GLRA2: variants seen among roughly 807,000 people sequenced by gnomAD.
GLRA2 encodes glycine receptor alpha 2, also known as glycine receptor subunit alpha-2.
In GLRA2, 11 loss-of-function variants were observed where a neutral mutation model predicts 31.6. That is an observed-to-expected ratio of 0.35 (90% CI 0.22 to 0.58). GLRA2 has a LOEUF of 0.58. Among genes scored for constraint, GLRA2 ranks in the 20% least tolerant of loss-of-function variants. GLRA2 has a pLI of 0.84. For synonymous variants in GLRA2, 132 were observed against 134.0 expected, an observed-to-expected ratio of 0.99 and a Z score of 0.10; for missense variants, 212 against 351.8, an observed-to-expected ratio of 0.60 and a Z score of 3.18.
the GLRA2 span, among the ~76,000 whole-genome samples, chrX:14,475,808 A>G: frequency 8.9e-6 from 1 of 111,987 alleles, no homozygotes; most frequent in South Asian, 3.7e-4. Context: ...AATGCTGATA[A>G]GTGGTTCAGG....
intron 8 of GLRA2, among the ~76,000 whole-genome samples, chrX:14,721,642 G>C (rs1461636638): frequency 2.7e-5 from 3 of 111,299 alleles, no homozygotes; most frequent in Non-Finnish European, 5.6e-5. Context: ...ACAAAGAATC[G>C]TACAGTCCCA....
chrX:14,602,812 C>T (rs957659295), intron 4 of GLRA2, among the ~76,000 whole-genome samples: 1 of 111,970 alleles, frequency 8.9e-6, no homozygotes, highest in Non-Finnish European at 1.9e-5. Context: ...ACCACAGTTT[C>T]GTTATCCACT....
chrX:14,718,783 A>G (rs2091825326), intron 8 of GLRA2, among the ~76,000 whole-genome samples: 2 of 110,931 alleles, frequency 1.8e-5, no homozygotes, highest in Admixed American at 9.6e-5. Context: ...GTGTCCCAAG[A>G]CTCCAGGCCC....
At position 14,555,608 on chromosome X, in the gene GLRA2, A is replaced by G. The variant is rs944332939; in HGVS notation, c.203-18725A>G. ...AGTGTTTCTCATTGGTGATTGTCATATTTTTGTCATAATTTTCTCATTCTG... is the reference window on the plus strand; with the variant it reads ...AGTGTTTCTCATTGGTGATTGTCATGTTTTTGTCATAATTTTCTCATTCTG... On this transcript the variant is annotated intron_variant, in intron 2 of 8. Coordinates refer to ENST00000218075, the MANE Select transcript of GLRA2 (RefSeq NM_002063.4). 3.6e-5 allele frequency among the ~76,000 whole-genome samples: 4 copies of G among 112,046 alleles called. No homozygotes were observed. The South Asian group carries it at 1.5e-3, about 42-fold the overall frequency.
At chrX:14,515,409 T>C in the GLRA2 span, among the ~76,000 whole-genome samples, 1 of 112,142 alleles carries the variant, frequency 8.9e-6, no homozygotes, top group Non-Finnish European at 1.9e-5. Flanking sequence ...TGATCCCAGT[T>C]TTTTTAAATC....
chrX:14,611,840 GT>G (rs1329007788), intron 7 of GLRA2, among the ~76,000 whole-genome samples: 2 of 111,892 alleles, frequency 1.8e-5, no homozygotes, highest in African/African-American at 6.5e-5. Flanking sequence ...GTTCTCCCAT[GT>G]GAGGCCATGT....
intron 7 of GLRA2, among the ~76,000 whole-genome samples, chrX:14,635,317 T>A (rs2090699326): frequency 8.9e-6 from 1 of 112,157 alleles, no homozygotes; most frequent in Non-Finnish European, 1.9e-5. Flanking sequence ...TAAATAAATC[T>A]TTTGAATTGC....
intron 2 of GLRA2, among the ~76,000 whole-genome samples, chrX:14,549,529 G>A (rs2089527239): frequency 9.0e-6 from 1 of 111,664 alleles, no homozygotes; most frequent in Non-Finnish European, 1.9e-5. Flanking sequence ...GGCTTAGGGA[G>A]TGGCAATGGG....
At chrX:14,689,140 T>C (rs1456505379) in intron 7 of GLRA2, among the ~76,000 whole-genome samples, 1 of 111,802 alleles carries the variant, frequency 8.9e-6, no homozygotes, top group Non-Finnish European at 1.9e-5. Context: ...CTCCAGAATC[T>C]CTGCTTTTAT....
chrX:14,637,700 C>G (rs1378059417), intron 7 of GLRA2, among the ~76,000 whole-genome samples: 1 of 111,496 alleles, frequency 9.0e-6, no homozygotes, highest in Non-Finnish European at 1.9e-5. Flanking sequence ...TTCCCCAAGC[C>G]CCACTGGGAG....
chrX:14,679,319 G>C (rs1428286367), intron 7 of GLRA2, among the ~76,000 whole-genome samples: 1 of 110,551 alleles, frequency 9.0e-6, no homozygotes, highest in African/African-American at 3.3e-5. Flanking sequence ...AACCTATATA[G>C]AGGTGAAAGT....
At chrX:14,583,651 A>G (rs977720303) in intron 4 of GLRA2, among the ~76,000 whole-genome samples, 7 of 111,933 alleles carry the variant, frequency 6.3e-5, no homozygotes, top group Admixed American at 2.8e-4. Context: ...AGGCAGGAGA[A>G]TCGCTTGAAC....
intron 7 of GLRA2, among the ~76,000 whole-genome samples, chrX:14,661,416 G>A (rs1490222502): frequency 1.8e-5 from 2 of 111,438 alleles, no homozygotes; most frequent in Admixed American, 9.5e-5. Flanking sequence ...AAGAAGAGTT[G>A]TCAATTTCTA....
At chrX:14,622,366 A>C (rs758660044) in intron 7 of GLRA2, among the ~76,000 whole-genome samples, 67 of 111,849 alleles carry the variant, frequency 6.0e-4, no homozygotes, top group African/African-American at 1.7e-3. Flanking sequence ...CTTTAGTTTA[A>C]TTAGATCCCA....
intron 6 of GLRA2, 91 bp from the exon 7 acceptor site, chrX:14,608,900 C>CTTTT (rs35800731): frequency 1.2e-5 from 5 of 417,212 alleles, no homozygotes; most frequent in African/African-American, 3.1e-5. Flanking sequence ...CTGCAGTAGT[C>CTTTT]TTTTTTTTTT....
At chrX:14,668,123 C>T (rs1347790962) in intron 7 of GLRA2, among the ~76,000 whole-genome samples, 1 of 111,813 alleles carries the variant, frequency 8.9e-6, no homozygotes, top group Non-Finnish European at 1.9e-5. Flanking sequence ...TCCTCCTGTG[C>T]TGTCAGACTG....
At chrX:14,633,596 G>C (rs1283120138) in intron 7 of GLRA2, among the ~76,000 whole-genome samples, 5 of 111,879 alleles carry the variant, frequency 4.5e-5, no homozygotes, top group African/African-American at 1.6e-4. Context: ...GAATGACAGG[G>C]TGTATTAGTC....
At chrX:14,506,277 A>G in the GLRA2 span, among the ~76,000 whole-genome samples, 5 of 111,354 alleles carry the variant, frequency 4.5e-5, no homozygotes, top group African/African-American at 1.6e-4. Context: ...TGGAGCTTGG[A>G]CAAGGTTTGG....
At chrX:14,696,931 T>C (rs1401633191) in intron 8 of GLRA2, among the ~76,000 whole-genome samples, 1 of 111,152 alleles carries the variant, frequency 9.0e-6, no homozygotes, top group Non-Finnish European at 1.9e-5. Flanking sequence ...TTGGGGGGAG[T>C]TGAAGAGCAA....
Sources: gnomAD v4.1 joint callset for allele counts (sites outside exome capture counted in the v4.1 genomes callset) on GRCh38, gnomAD v4.1.1 for gene constraint, MANE v1.5 for transcripts, NCBI Gene and HGNC (gene_info 2026-07-23, HGNC 2026-07-21) for gene names.